The following UNC5C variants were observed in gnomAD, a reference collection of about 807,000 sequenced individuals.
UNC5C encodes netrin receptor UNC5C.
UNC5C carries 47 observed loss-of-function variants against 99.8 expected under a neutral mutation model. The ratio of observed to expected loss-of-function variants is 0.47; its 90% CI spans 0.37 to 0.60. UNC5C has a LOEUF of 0.60. Ranked by LOEUF, UNC5C falls within the 20% of genes least tolerant of loss-of-function variation. The pLI is 0.00. For missense variants in UNC5C, 1,062 were observed against 1,165.9 expected (o/e 0.91, Z 1.30); for synonymous variants, 487 against 452.2 (o/e 1.08, Z -0.98).
chr4:95,303,151 G>T (rs913596056), intron 2 of UNC5C, among the ~76,000 whole-genome samples: 2 of 152,176 alleles, frequency 1.3e-5, no homozygotes, highest in Non-Finnish European at 1.5e-5. Flanking sequence ...ACAAGAAAGG[G>T]TCTAGTTTAC....
At chr4:95,251,457 T>A (rs754661356) in intron 4 of UNC5C, among the ~76,000 whole-genome samples, 11 of 152,208 alleles carry the variant, frequency 7.2e-5, no homozygotes, top group Non-Finnish European at 1.5e-4. Context: ...TATTTTTTTC[T>A]ATGTGAATAA....
In UNC5C at chr4:95,237,171, A is replaced by T. The variant is rs145185617; in HGVS notation, c.1108+5258T>A. Among the ~76,000 whole-genome samples the T allele has an allele frequency of 3.7e-4, 56 of 152,166 alleles. No homozygotes were observed. In the East Asian group the frequency reaches 0.01, roughly 28 times the overall value. Reference sequence around the variant, plus strand: ...TTTATTGTTTTTAAAAATATTTTTGACCTGCACTTGGTTGAATCCACAGAT... The same window carrying T: ...TTTATTGTTTTTAAAAATATTTTTGTCCTGCACTTGGTTGAATCCACAGAT... On this transcript the variant is annotated intron_variant, in intron 7 of 15. Coordinates refer to ENST00000453304, the MANE Select transcript of UNC5C (RefSeq NM_003728.4).
At chr4:95,216,286 C>T (rs1041070007) in intron 9 of UNC5C, 75 bp from the exon 10 acceptor site, 43 of 1,157,088 alleles carry the variant, frequency 3.7e-5, no homozygotes, top group Admixed American at 6.0e-5. Flanking sequence ...ATTTTGTGAC[C>T]GCGCAGCCAT....
At chr4:95,364,129 C>A (rs1055259517) in intron 1 of UNC5C, among the ~76,000 whole-genome samples, 26 of 152,160 alleles carry the variant, frequency 1.7e-4, no homozygotes, top group Non-Finnish European at 3.8e-4. Flanking sequence ...TGGAGCACTT[C>A]CTGGACTGCA....
At chr4:95,385,589 G>T (rs17437798) in intron 1 of UNC5C, among the ~76,000 whole-genome samples, 2 of 151,860 alleles carry the variant, frequency 1.3e-5, no homozygotes, top group Non-Finnish European at 2.9e-5. Context: ...GCTTATACAC[G>T]GCCATGAGAG....
chr4:95,230,940 T>C (rs891297517), intron 7 of UNC5C, among the ~76,000 whole-genome samples: 2 of 152,032 alleles, frequency 1.3e-5, no homozygotes, highest in Non-Finnish European at 2.9e-5. Flanking sequence ...ACCTTTTGAG[T>C]ATTAATTAAA....
intron 1 of UNC5C, among the ~76,000 whole-genome samples, chr4:95,349,278 A>G (rs965297469): frequency 4.7e-5 from 7 of 148,422 alleles, no homozygotes; most frequent in African/African-American, 1.7e-4. Context: ...AAAAATTACA[A>G]ATTTTTAAAA....
intron 1 of UNC5C, among the ~76,000 whole-genome samples, chr4:95,354,479 A>ATATATATATATTTTTTTTTTTTT: frequency 9.1e-6 from 1 of 110,350 alleles, no homozygotes; most frequent in Non-Finnish European, 1.8e-5. Flanking sequence ...ATATATATAT[A>ATATATATATATTTTTTTTTTTTT]TTTTTTTTTT....
At chr4:95,308,374 A>G (rs2149406885) in intron 2 of UNC5C, among the ~76,000 whole-genome samples, 1 of 152,310 alleles carries the variant, frequency 6.6e-6, no homozygotes, top group African/African-American at 2.4e-5. Context: ...ATAATAAAAT[A>G]CATAGAAATA....
intron 1 of UNC5C, among the ~76,000 whole-genome samples, chr4:95,466,463 A>G (rs1235249746): frequency 1.3e-5 from 2 of 152,226 alleles, no homozygotes; most frequent in African/African-American, 4.8e-5. Context: ...ATCTTTAATT[A>G]AAGGAATAAA....
chr4:95,403,675 T>A (rs1392353492), intron 1 of UNC5C, among the ~76,000 whole-genome samples: 1 of 152,230 alleles, frequency 6.6e-6, no homozygotes, highest in Non-Finnish European at 1.5e-5. Flanking sequence ...CTGGTCTTTG[T>A]CCATCTCTAT....
chr4:95,526,203 T>C (rs1181213192), intron 1 of UNC5C, among the ~76,000 whole-genome samples: 1 of 152,148 alleles, frequency 6.6e-6, no homozygotes, highest in Non-Finnish European at 1.5e-5. Context: ...AGTGTCCTGG[T>C]AGGGTGATTA....
chr4:95,522,527 T>C (rs181762634), intron 1 of UNC5C, among the ~76,000 whole-genome samples: 1 of 152,196 alleles, frequency 6.6e-6, no homozygotes, highest in Admixed American at 6.5e-5. Flanking sequence ...ATTTCATCTT[T>C]ATGAAGAAGT....
intron 1 of UNC5C, among the ~76,000 whole-genome samples, chr4:95,449,497 T>C (rs1360576215): frequency 6.6e-6 from 1 of 152,192 alleles, no homozygotes; most frequent in Non-Finnish European, 1.5e-5. Flanking sequence ...ATAGCTAATT[T>C]TCTCATGCTC....
At chr4:95,473,871 A>G (rs1222476593) in intron 1 of UNC5C, among the ~76,000 whole-genome samples, 1 of 152,142 alleles carries the variant, frequency 6.6e-6, no homozygotes. Context: ...TTTGGAAGAG[A>G]AGTGTTTGTT....
At chr4:95,510,891 AT>A (rs373378045) in intron 1 of UNC5C, among the ~76,000 whole-genome samples, 141 of 152,270 alleles carry the variant, frequency 9.3e-4, no homozygotes, top group African/African-American at 3.0e-3. Flanking sequence ...GCAGAACAGG[AT>A]CCACATATGA....
At chr4:95,283,469 T>C (rs1741130258) in intron 3 of UNC5C, among the ~76,000 whole-genome samples, 2 of 152,178 alleles carry the variant, frequency 1.3e-5, no homozygotes, top group South Asian at 2.1e-4. Context: ...GCATAGGATA[T>C]ATCGCGGCCG....
Position 95,318,385 on chromosome 4 carries a change from G to T in UNC5C, c.347-16636C>A, listed in dbSNP as rs553423706. Among the ~76,000 whole-genome samples, 235 of 152,252 alleles carry T rather than the reference G, an allele frequency of 1.5e-3. 1 individual carries two copies. The highest frequency in any genetic ancestry group is 3.4e-3 in the Middle Eastern group (1 of 294). On this transcript the variant is annotated intron_variant, in intron 2 of 15. Transcript: ENST00000453304. The stretch of plus-strand genomic sequence containing the variant: ...CTCCCCGAGGAGGGCAGCTCTGCTG[G>T]ATTTCAGACTTCTAGCCTCCAAAAC...
intron 1 of UNC5C, among the ~76,000 whole-genome samples, chr4:95,499,443 G>C (rs1721713891): frequency 6.6e-6 from 1 of 152,114 alleles, no homozygotes; most frequent in African/African-American, 2.4e-5. Context: ...CTTTGCCTCT[G>C]TGGGAAACCC....
Sources: gnomAD v4.1 joint callset for allele counts (sites outside exome capture counted in the v4.1 genomes callset) on GRCh38, gnomAD v4.1.1 for gene constraint, MANE v1.5 for transcripts, NCBI Gene and HGNC (gene_info 2026-07-23, HGNC 2026-07-21) for gene names.